Variants in B4GALNT2 observed in about 807,000 individuals in gnomAD.
B4GALNT2 encodes beta-1,4-N-acetyl-galactosaminyltransferase 2 (SID blood group), also known as N-acetylneuraminylgalactosylglucosyl-glucoside beta-1,4-N- acetylgalactosaminyltransferase 2.
A neutral mutation model predicts 51.1 loss-of-function variants in B4GALNT2; 42 were observed. The ratio of observed to expected loss-of-function variants is 0.82; its 90% CI spans 0.64 to 1.06. B4GALNT2 has a LOEUF of 1.06. Ranked by LOEUF, B4GALNT2 falls within the 50% of genes least tolerant of loss-of-function variation. The pLI is 0.00. For missense variants in B4GALNT2, 602 were observed against 633.6 expected, an observed-to-expected ratio of 0.95 and a Z score of 0.54; for synonymous variants, 253 against 251.7, an observed-to-expected ratio of 1.01 and a Z score of -0.05.
Position 49,172,069 on chromosome 17 carries a change from A to G in B4GALNT2, c.*2341A>G, listed in dbSNP as rs1224507837. ...TGGCAATGGTGATCACCACTATCAT[A>G]TCTATCATTAAATTACTCATTGTGA... On this transcript the variant is annotated 3_prime_UTR_variant, in exon 11 of 11. Coordinates refer to ENST00000393354, the MANE Select transcript of B4GALNT2 (RefSeq NM_001159387.2). The G allele has an allele frequency of 1.4e-5, 4 of 282,614 alleles. No homozygotes were observed. The highest frequency in any genetic ancestry group is 2.6e-5 in the Non-Finnish European group (4 of 152,916). The allele number at this position is 282,614 out of a possible 1,614,324, so 17.5% of individuals were successfully genotyped here. A position where few individuals can be genotyped will look rare whatever the true frequency, so the allele number is the denominator to read the frequency against.
chr17:49,141,955 A>G (rs1281502518), intron 2 of B4GALNT2, 80 bp from the exon 3 acceptor site: 15 of 1,553,200 alleles, frequency 9.7e-6, no homozygotes, highest in Admixed American at 3.4e-5. Context: ...TAAACTACAC[A>G]CTGGATTAGG....
upstream of B4GALNT2, among the ~76,000 whole-genome samples, chr17:49,128,049 C>CT (rs568613326): frequency 4.3e-3 from 654 of 152,066 alleles, 5 homozygotes; most frequent in Middle Eastern, 0.031. Flanking sequence ...GCTGAGCACT[C>CT]TTTTTTTTAT....
At chr17:49,160,766 C>T (rs1195492023) in intron 7 of B4GALNT2, 125 bp downstream of exon 7, 1 of 870,468 alleles carries the variant, frequency 1.1e-6, no homozygotes. Flanking sequence ...TGCTCCCTGA[C>T]AAGCTTCGTT....
the B4GALNT2 span, among the ~76,000 whole-genome samples, chr17:49,125,582 G>A: frequency 0.025 from 3,782 of 152,010 alleles, 67 homozygotes; most frequent in Middle Eastern, 0.048. Flanking sequence ...TGGGAGGTGA[G>A]GAGCATCTCT....
intron 1 of B4GALNT2, among the ~76,000 whole-genome samples, chr17:49,134,939 C>G (rs950635913): frequency 1.3e-5 from 2 of 152,162 alleles, no homozygotes; most frequent in African/African-American, 4.8e-5. Flanking sequence ...TGTTACAAAA[C>G]ACTGAAAGGC....
chr17:49,160,316 C>T (rs2042851243), intron 6 of B4GALNT2, among the ~76,000 whole-genome samples: 1 of 152,138 alleles, frequency 6.6e-6, no homozygotes, highest in Non-Finnish European at 1.5e-5. Flanking sequence ...GCCCACTCCA[C>T]CCTAACACAT....
At chr17:49,145,115 C>T (rs779553381) in intron 3 of B4GALNT2, among the ~76,000 whole-genome samples, 9 of 152,200 alleles carry the variant, frequency 5.9e-5, no homozygotes, top group Non-Finnish European at 1.0e-4. Context: ...CAGACACACC[C>T]TGGATCAATA....
chr17:49,160,062 C>T (rs762243657), intron 6 of B4GALNT2, among the ~76,000 whole-genome samples: 9 of 151,786 alleles, frequency 5.9e-5, no homozygotes, highest in East Asian at 1.9e-4. Flanking sequence ...CTCTTTTGAC[C>T]GGATACACAG....
At chr17:49,147,038 A>G (rs1229940562) in intron 3 of B4GALNT2, among the ~76,000 whole-genome samples, 1 of 152,224 alleles carries the variant, frequency 6.6e-6, no homozygotes, top group African/African-American at 2.4e-5. Flanking sequence ...TACATGTTGG[A>G]TGAGGTAATC....
rs1310660750 is a variant in B4GALNT2 at position 49,174,090 on chromosome 17, G to A, written c.*4362G>A. On this transcript the variant is annotated 3_prime_UTR_variant, in exon 11 of 11. Transcript: ENST00000393354. The stretch of plus-strand genomic sequence containing the variant: ...TTACTTTCTGTGGCACAATGATAGT[G>A]TCATTTACTGAAGTCTCCAAGTAGG... 1.3e-5 allele frequency: 2 copies of A among 152,198 alleles called. No individual in the cohort carries two copies. Among genetic ancestry groups the A allele is most frequent in the African/African-American group, 2.4e-5 (1 of 41,438 alleles). The allele number at this position is 152,198 out of a possible 1,614,324, so 9.4% of individuals were successfully genotyped here.
At chr17:49,143,280 A>AAC (rs1261305700) in intron 3 of B4GALNT2, among the ~76,000 whole-genome samples, 79 of 139,944 alleles carry the variant, frequency 5.6e-4, no homozygotes, top group African/African-American at 2.0e-3. Flanking sequence ...ACAAACAAAC[A>AAC]AACAACAACA....
At chr17:49,138,277 AC>A (rs2042608190) in intron 1 of B4GALNT2, among the ~76,000 whole-genome samples, 1 of 152,214 alleles carries the variant, frequency 6.6e-6, no homozygotes, top group Non-Finnish European at 1.5e-5. Flanking sequence ...AATGCTAAAA[AC>A]CAAGAATCTT....
At chr17:49,147,370 C>CTTTTTT (rs1216908911) in intron 3 of B4GALNT2, among the ~76,000 whole-genome samples, 1 of 144,214 alleles carries the variant, frequency 6.9e-6, no homozygotes, top group African/African-American at 2.6e-5. Flanking sequence ...CTTTTCTTTT[C>CTTTTTT]TTTCTTTCTT....
chr17:49,133,200 G>C lies in B4GALNT2; in HGVS notation c.14+394G>C, dbSNP rs1008844890. 2.0e-6 allele frequency: 3 copies of C among 1,503,452 alleles called. No individual in the cohort carries two copies. Among genetic ancestry groups the C allele is most frequent in the Middle Eastern group, 2.1e-4 (1 of 4,684 alleles). The allele number at this position is 1,503,452 out of a possible 1,614,324, so 93.1% of individuals were successfully genotyped here. On this transcript the variant is annotated intron_variant, in intron 1 of 10. Transcript: ENST00000393354. ...AGCCTGGGGCCCGTTTGCTGCCCAC[G>C]GGAGGAGCCGCCGTCAGGGGTATGT...
In B4GALNT2 at chr17:49,175,270, CT is replaced by C. The variant is rs2042980569; in HGVS notation, c.*5545del. 6.6e-6 allele frequency: 1 copy of C among 152,114 alleles called. No individual in the cohort carries two copies. Among genetic ancestry groups the C allele is most frequent in the African/African-American group, 2.4e-5 (1 of 41,420 alleles). 9.4% of individuals were successfully genotyped at this position (152,114 alleles called of 1,614,324 possible). A position where few individuals can be genotyped will look rare whatever the true frequency, so the allele number is the denominator to read the frequency against. ...GTAATTTGATTCACCCAATAAGCTGCTTTGTCTTGTTTATTTGTGCTTCCAA... is the reference window on the plus strand; with the variant it reads ...GTAATTTGATTCACCCAATAAGCTGCTTGTCTTGTTTATTTGTGCTTCCAA... On this transcript the variant is annotated 3_prime_UTR_variant, in exon 11 of 11. Coordinates refer to ENST00000393354, the MANE Select transcript of B4GALNT2 (RefSeq NM_001159387.2).
At chr17:49,138,749 C>A (rs957697651) in intron 1 of B4GALNT2, among the ~76,000 whole-genome samples, 11 of 152,034 alleles carry the variant, frequency 7.2e-5, no homozygotes, top group African/African-American at 2.7e-4. Flanking sequence ...TGGTGGTGGG[C>A]GCCTGTAATC....
the B4GALNT2 span, among the ~76,000 whole-genome samples, chr17:49,126,067 G>T: frequency 6.6e-6 from 1 of 152,112 alleles, no homozygotes; most frequent in Non-Finnish European, 1.5e-5. Context: ...AGGGGGGAAA[G>T]GTGGGGAAAA....
At chr17:49,122,365 T>G in the B4GALNT2 span, among the ~76,000 whole-genome samples, 3 of 152,324 alleles carry the variant, frequency 2.0e-5, no homozygotes, top group African/African-American at 4.8e-5. Context: ...TACTTCCTGC[T>G]GATGGGAGGA....
the B4GALNT2 span, among the ~76,000 whole-genome samples, chr17:49,125,996 G>A: frequency 1.4e-5 from 2 of 148,068 alleles, no homozygotes; most frequent in African/African-American, 5.0e-5. Flanking sequence ...CGTCTGGGAG[G>A]TGTGCCCAGC....
Sources: gnomAD v4.1 joint callset for allele counts (sites outside exome capture counted in the v4.1 genomes callset) on GRCh38, gnomAD v4.1.1 for gene constraint, MANE v1.5 for transcripts, NCBI Gene and HGNC (gene_info 2026-07-23, HGNC 2026-07-21) for gene names.